CD44: variants seen among roughly 807,000 people sequenced by gnomAD.
The protein encoded by CD44 is CD44 antigen.
Under a neutral mutation model 88.8 loss-of-function variants are expected in CD44, and 49 were observed. That is an observed-to-expected ratio of 0.55 (90% confidence interval 0.44 to 0.70). CD44 has a LOEUF of 0.70. Ranked by LOEUF, CD44 falls within the 30% of genes least tolerant of loss-of-function variation. CD44 has a pLI of 0.00. For synonymous variants in CD44, 325 were observed against 312.3 expected, an observed-to-expected ratio of 1.04 and a Z score of -0.43; for missense variants, 883 against 913.8, an observed-to-expected ratio of 0.97 and a Z score of 0.43.
At chr11:35,141,886 G>T (rs1035760433) in intron 1 of CD44, among the ~76,000 whole-genome samples, 1 of 152,204 alleles carries the variant, frequency 6.6e-6, no homozygotes, top group Non-Finnish European at 1.5e-5. Context: ...GAAAGGGGAA[G>T]GAAAGGAGCT....
At chr11:35,228,429 TG>T (rs1328716907) in intron 17 of CD44, among the ~76,000 whole-genome samples, 1 of 152,234 alleles carries the variant, frequency 6.6e-6, no homozygotes, top group Non-Finnish European at 1.5e-5. Context: ...GACAAAGTGT[TG>T]ACTGGGAGAG....
At position 35,198,188 on chromosome 11, in the gene CD44, A is replaced by G; in HGVS notation, c.864A>G (p.Arg288=). ...AAGAAAATGAAGATGAAAGAGACAG[A>G]CACCTCAGTTTTTCTGGATCAGGCA... is the stretch of plus-strand genomic sequence containing the variant. The part of the protein sequence containing the change: ...PNEENEDERD[R]HLSFSGSGID... Residue 288 remains arginine, a synonymous_variant, in exon 7 of 18, where the codon AGA becomes AGG. Coordinates refer to ENST00000428726, the MANE Select transcript of CD44 (RefSeq NM_000610.4). The G allele has an allele frequency of 6.2e-7, 1 of 1,613,994 alleles. No homozygotes were observed. The highest frequency in any genetic ancestry group is 8.5e-7 in the Non-Finnish European group (1 of 1,179,846).
intron 1 of CD44, among the ~76,000 whole-genome samples, chr11:35,149,534 G>T (rs1859896264): frequency 6.6e-6 from 1 of 152,184 alleles, no homozygotes; most frequent in African/African-American, 2.4e-5. Context: ...GAATAGAAAT[G>T]ATTATTATAT....
chr11:35,159,868 T>A (rs1942376370), intron 1 of CD44, among the ~76,000 whole-genome samples: 1 of 152,218 alleles, frequency 6.6e-6, no homozygotes, highest in Non-Finnish European at 1.5e-5. Context: ...ATGGGATTAA[T>A]CCTGTTCTTC....
chr11:35,156,218 A>C (rs1337161308), intron 1 of CD44, among the ~76,000 whole-genome samples: 1 of 152,214 alleles, frequency 6.6e-6, no homozygotes, highest in East Asian at 1.9e-4. Context: ...CAACTTTTTA[A>C]TGAACCCAAA....
At chr11:35,182,023 A>G (rs1159443720) in intron 3 of CD44, among the ~76,000 whole-genome samples, 7 of 123,228 alleles carry the variant, frequency 5.7e-5, no homozygotes, top group Non-Finnish European at 1.1e-4. Flanking sequence ...ATATGTATAT[A>G]TAAATATATA....
chr11:35,205,056 G>A (rs539631751), intron 10 of CD44: 1 of 159,516 alleles, frequency 6.3e-6, no homozygotes, highest in South Asian at 1.8e-4. Context: ...GAACTCCAGT[G>A]TTTGAAGAAA....
intron 1 of CD44, among the ~76,000 whole-genome samples, chr11:35,145,009 T>G (rs1285228418): frequency 6.6e-6 from 1 of 152,210 alleles, no homozygotes; most frequent in African/African-American, 2.4e-5. Context: ...CATGTTTGAT[T>G]CTTGTTTGCT....
intron 1 of CD44, among the ~76,000 whole-genome samples, chr11:35,147,613 C>G (rs1212283563): frequency 7.0e-6 from 1 of 143,112 alleles, no homozygotes; most frequent in Non-Finnish European, 1.5e-5. Context: ...CCCCTTCCCC[C>G]AACTTTTTTT....
At chr11:35,144,540 G>C (rs1452621047) in intron 1 of CD44, among the ~76,000 whole-genome samples, 1 of 152,178 alleles carries the variant, frequency 6.6e-6, no homozygotes, top group Non-Finnish European at 1.5e-5. Flanking sequence ...TCACTTAGCA[G>C]GTTGAATTTT....
At chr11:35,219,797 A>G (rs1949139020) in intron 16 of CD44, among the ~76,000 whole-genome samples, 1 of 152,214 alleles carries the variant, frequency 6.6e-6, no homozygotes. Context: ...ACGATTACAG[A>G]CAGGGAGGAG....
intron 1 of CD44, among the ~76,000 whole-genome samples, chr11:35,167,252 T>TTGTGTG (rs5791035): frequency 6.6e-6 from 1 of 151,042 alleles, no homozygotes; most frequent in Non-Finnish European, 1.5e-5. Context: ...CCACTGAGTT[T>TTGTGTG]TGTGTGTGTG....
At chr11:35,222,468 G>A in intron 17 of CD44, 1 of 1,247,058 alleles carries the variant, frequency 8.0e-7, no homozygotes, top group Non-Finnish European at 1.0e-6. Context: ...CTTTCCTTTG[G>A]AAAACAACTA....
At chr11:35,159,268 A>G (rs1485079682) in intron 1 of CD44, among the ~76,000 whole-genome samples, 2 of 152,194 alleles carry the variant, frequency 1.3e-5, no homozygotes, top group Admixed American at 6.5e-5. Flanking sequence ...TTAGCTGCTT[A>G]GTTCTGCTGT....
chr11:35,139,459 G>A (rs902489371), intron 1 of CD44, 89 bp downstream of exon 1: 1 of 1,185,672 alleles, frequency 8.4e-7, no homozygotes, highest in Admixed American at 2.0e-5. Context: ...AGTCGGCCCT[G>A]GGGGACTGGA....
intron 1 of CD44, among the ~76,000 whole-genome samples, chr11:35,169,413 AAC>A (rs5791036): frequency 0.45 from 67,562 of 148,676 alleles, 15,681 homozygotes; most frequent in African/African-American, 0.59. Flanking sequence ...GCCCTACCTA[AAC>A]ACACACACAC....
intron 1 of CD44, among the ~76,000 whole-genome samples, chr11:35,152,224 G>A (rs1365180414): frequency 6.6e-6 from 1 of 152,192 alleles, no homozygotes; most frequent in Non-Finnish European, 1.5e-5. Context: ...TCCAAGTCAA[G>A]AAGGTTGGAT....
rs546860410 is a variant in CD44 at position 35,205,396 on chromosome 11, A to C, written c.1283-716A>C. ...CTATTTGCAACATAGAAGATAATGCATCATGTCCTTCTGGGGCATGGCAAG... is the reference window on the plus strand; with the variant it reads ...CTATTTGCAACATAGAAGATAATGCCTCATGTCCTTCTGGGGCATGGCAAG... On this transcript the variant is annotated intron_variant, in intron 10 of 17. Coordinates refer to ENST00000428726, the MANE Select transcript of CD44 (RefSeq NM_000610.4). Among the ~76,000 whole-genome samples the C allele has an allele frequency of 8.5e-5, 13 of 152,072 alleles. No homozygotes were observed. The South Asian group carries it at 1.7e-3, about 19-fold the overall frequency.
At chr11:35,166,878 G>A (rs909976254) in intron 1 of CD44, among the ~76,000 whole-genome samples, 2 of 152,220 alleles carry the variant, frequency 1.3e-5, no homozygotes, top group Non-Finnish European at 2.9e-5. Context: ...GTCTGCACTG[G>A]GCAGCCAAAG....
Sources: gnomAD v4.1 joint callset for allele counts (sites outside exome capture counted in the v4.1 genomes callset) on GRCh38, gnomAD v4.1.1 for gene constraint, MANE v1.5 for transcripts, NCBI Gene and HGNC (gene_info 2026-07-23, HGNC 2026-07-21) for gene names.